The following SAMD12 variants were observed in gnomAD, a reference collection of about 807,000 sequenced individuals.
SAMD12 encodes the protein sterile alpha motif domain-containing protein 12.
Under a neutral mutation model 15.0 loss-of-function variants are expected in SAMD12, and 9 were observed. That is an observed-to-expected ratio of 0.60 (90% CI 0.36 to 1.05). SAMD12 has a LOEUF of 1.05. Ranked by LOEUF, SAMD12 falls within the 50% of genes least tolerant of loss-of-function variation. The pLI, the probability that SAMD12 is intolerant of heterozygous loss-of-function variation, is 0.01. For missense variants in SAMD12, 230 were observed against 234.2 expected (o/e 0.98, Z 0.12); for synonymous variants, 86 against 90.1 (o/e 0.96, Z 0.25).
intron 2 of SAMD12, among the ~76,000 whole-genome samples, chr8:118,535,116 A>G (rs571081359): frequency 3.3e-5 from 5 of 152,062 alleles, no homozygotes; most frequent in African/African-American, 1.2e-4. Flanking sequence ...TGAGGTACAG[A>G]TGGGGTTTTG....
intron 4 of SAMD12, among the ~76,000 whole-genome samples, chr8:118,336,597 C>T (rs936959682): frequency 3.3e-5 from 5 of 151,966 alleles, no homozygotes; most frequent in African/African-American, 1.2e-4. Context: ...GGAATTGCCA[C>T]ACTGTCTTCC....
At chr8:118,583,971 G>A (rs1827359319) in intron 1 of SAMD12, among the ~76,000 whole-genome samples, 1 of 152,140 alleles carries the variant, frequency 6.6e-6, no homozygotes, top group African/African-American at 2.4e-5. Context: ...AGACATTAAG[G>A]AAACACTTGT....
chr8:118,290,272 C>T (rs1814290650), intron 4 of SAMD12, among the ~76,000 whole-genome samples: 1 of 152,150 alleles, frequency 6.6e-6, no homozygotes, highest in Non-Finnish European at 1.5e-5. Context: ...CAATTAATGG[C>T]ATTAAAAACT....
At chr8:118,185,574 A>G (rs1250879732), downstream of SAMD12, among the ~76,000 whole-genome samples, 1 of 152,240 alleles carries the variant, frequency 6.6e-6, no homozygotes, top group Admixed American at 6.5e-5. Context: ...TGCTTACTTT[A>G]AAAGCAAAGC....
intron 2 of SAMD12, among the ~76,000 whole-genome samples, chr8:118,512,270 C>T (rs912716730): frequency 6.6e-6 from 1 of 152,066 alleles, no homozygotes; most frequent in African/African-American, 2.4e-5. Context: ...AGAGATAGCA[C>T]CAGAAAGTAA....
intron 1 of SAMD12, among the ~76,000 whole-genome samples, chr8:118,584,448 G>A (rs1827378604): frequency 6.6e-6 from 1 of 151,814 alleles, no homozygotes; most frequent in Admixed American, 6.6e-5. Flanking sequence ...TAATTTAATG[G>A]GCTTGGCAGC....
chr8:118,557,460 G>C (rs1477982745), intron 2 of SAMD12, among the ~76,000 whole-genome samples: 1 of 152,168 alleles, frequency 6.6e-6, no homozygotes, highest in Admixed American at 6.5e-5. Flanking sequence ...CATTTTGATT[G>C]GGGTTGGAGT....
chr8:118,396,773 G>T (rs1484610599), intron 3 of SAMD12, among the ~76,000 whole-genome samples: 1 of 152,182 alleles, frequency 6.6e-6, no homozygotes, highest in Non-Finnish European at 1.5e-5. Context: ...GTTGATAACC[G>T]AGGTGATTTT....
At chr8:118,573,147 C>G (rs899448156) in intron 2 of SAMD12, among the ~76,000 whole-genome samples, 1 of 152,042 alleles carries the variant, frequency 6.6e-6, no homozygotes, top group African/African-American at 2.4e-5. Context: ...TGCAATGGTG[C>G]GTTCCTGGCT....
chr8:118,429,383 T>C (rs1159467463), intron 3 of SAMD12, among the ~76,000 whole-genome samples: 1 of 152,200 alleles, frequency 6.6e-6, no homozygotes, highest in African/African-American at 2.4e-5. Flanking sequence ...TGGTATGTAT[T>C]CTGCAAATAT....
At chr8:118,262,163 A>G (rs1164415540) in intron 4 of SAMD12, among the ~76,000 whole-genome samples, 1 of 151,968 alleles carries the variant, frequency 6.6e-6, no homozygotes, top group African/African-American at 2.4e-5. Flanking sequence ...ACTTGTCTCA[A>G]AGGGAGGCAG....
intron 3 of SAMD12, among the ~76,000 whole-genome samples, chr8:118,403,180 A>G (rs938198736): frequency 1.5e-4 from 23 of 152,218 alleles, no homozygotes; most frequent in Non-Finnish European, 1.5e-5. Flanking sequence ...AGTTTCTTCA[A>G]ATTCAAGAGT....
chr8:118,471,255 G>C (rs1255105825), intron 2 of SAMD12, among the ~76,000 whole-genome samples: 1 of 151,634 alleles, frequency 6.6e-6, no homozygotes, highest in Non-Finnish European at 1.5e-5. Context: ...TCCTTATTAT[G>C]AGTAATTGTG....
At chr8:118,344,500 A>G (rs557246430) in intron 4 of SAMD12, among the ~76,000 whole-genome samples, 2 of 152,356 alleles carry the variant, frequency 1.3e-5, no homozygotes, top group East Asian at 1.9e-4. Flanking sequence ...AGAGGCTAAC[A>G]TGGCTAGTAA....
At chr8:118,606,752 C>T (rs1827996433) in intron 1 of SAMD12, among the ~76,000 whole-genome samples, 1 of 152,090 alleles carries the variant, frequency 6.6e-6, no homozygotes, top group South Asian at 2.1e-4. Flanking sequence ...ACCTCAACGC[C>T]CTAGAAACCT....
intron 4 of SAMD12, among the ~76,000 whole-genome samples, chr8:118,235,419 C>A (rs896192993): frequency 6.6e-6 from 1 of 152,080 alleles, no homozygotes; most frequent in Non-Finnish European, 1.5e-5. Context: ...CCATGTTGAC[C>A]AGGATGGTCT....
intron 2 of SAMD12, among the ~76,000 whole-genome samples, chr8:118,461,449 G>A (rs919132676): frequency 6.6e-6 from 1 of 152,128 alleles, no homozygotes; most frequent in Admixed American, 6.6e-5. Flanking sequence ...CAACAAAGAT[G>A]TACAAAGAAC....
At chr8:118,160,885 T>C in the SAMD12 span, among the ~76,000 whole-genome samples, 1 of 152,162 alleles carries the variant, frequency 6.6e-6, no homozygotes, top group Non-Finnish European at 1.5e-5. Context: ...TTGGTGTGCT[T>C]CACCCATTAA....
In SAMD12 at chr8:118,580,790, T is replaced by G; in HGVS notation, c.117A>C (p.Lys39Asn). 6.2e-7 allele frequency: 1 copy of G among 1,613,388 alleles called. No homozygotes were observed. Among genetic ancestry groups the G allele is most frequent in the Non-Finnish European group, 8.5e-7 (1 of 1,179,454 alleles). ...CAGGCACCTTCTGGAAATTTTTATT[T>G]TTAATGGATTGAGATTCCACACCTT... is the stretch of plus-strand genomic sequence containing the variant. ...EGEGVESQSI[K>N]NKNFQKVPDQ... is the part of the protein sequence containing the mutation. Residue 39 changes from lysine (K) to asparagine (N), a missense_variant, in exon 2 of 4, where the codon AAA becomes AAC. Transcript: ENST00000314727.
Sources: gnomAD v4.1 joint callset for allele counts (sites outside exome capture counted in the v4.1 genomes callset) on GRCh38, gnomAD v4.1.1 for gene constraint, MANE v1.5 for transcripts, NCBI Gene and HGNC (gene_info 2026-07-23, HGNC 2026-07-21) for gene names.